The following DZIP1L variants were observed in gnomAD, a reference collection of about 807,000 sequenced individuals.
DZIP1L encodes the protein cilium assembly protein DZIP1L.
DZIP1L carries 90 observed loss-of-function variants against 88.7 expected under a neutral mutation model. The observed-to-expected ratio is 1.02, with a 90% CI of 0.86 to 1.21. The LOEUF is 1.21. Among genes scored for constraint, DZIP1L ranks in the 50% most tolerant of loss-of-function variants. The pLI, the probability that DZIP1L is intolerant of heterozygous loss-of-function variation, is 0.00. For missense variants in DZIP1L, 932 were observed against 955.8 expected (o/e 0.98, Z 0.33); for synonymous variants, 363 against 372.1 (o/e 0.98, Z 0.28).
intron 2 of DZIP1L, among the ~76,000 whole-genome samples, chr3:138,099,279 G>A (rs976996307): frequency 2.0e-5 from 3 of 152,140 alleles, no homozygotes; most frequent in African/African-American, 7.2e-5. Flanking sequence ...ACACAAATTT[G>A]TAAACTTACA....
chr3:138,102,853 C>A, intron 2 of DZIP1L: 1 of 689,280 alleles, frequency 1.5e-6, no homozygotes, highest in Admixed American at 2.0e-5. Context: ...GTAGAAGCAG[C>A]TGCTGAAGAC....
intron 2 of DZIP1L, chr3:138,102,895 T>C: frequency 1.6e-6 from 1 of 617,564 alleles, no homozygotes; most frequent in South Asian, 1.7e-5. Flanking sequence ...CTTGTAGGAC[T>C]TCTGGGTCAC....
chr3:138,070,750 G>T (rs141637039), intron 12 of DZIP1L, among the ~76,000 whole-genome samples: 2 of 152,340 alleles, frequency 1.3e-5, no homozygotes, highest in East Asian at 3.9e-4. Context: ...GGACACAGGA[G>T]ATACAGAACT....
In DZIP1L at chr3:138,063,910, T is replaced by C. The variant is rs1438214603; in HGVS notation, c.2142+718A>G. ...AATTTTAAAGCAATAGCACTGATTATCCCAGGATGCACCTTTTTGATACAG... is the reference window on the plus strand; with the variant it reads ...AATTTTAAAGCAATAGCACTGATTACCCCAGGATGCACCTTTTTGATACAG... On this transcript the variant is annotated intron_variant, in intron 15 of 15. Coordinates refer to ENST00000327532, the MANE Select transcript of DZIP1L (RefSeq NM_173543.3). This position sits in a 1 kb window ranked among gnomAD's most constrained non-coding sequence, Gnocchi z 4.1. Among the ~76,000 whole-genome samples the C allele has an allele frequency of 4.6e-5, 7 of 152,178 alleles. No individual in the cohort carries two copies. Among genetic ancestry groups the C allele is most frequent in the Non-Finnish European group, 5.9e-5 (4 of 68,036 alleles).
chr3:138,107,020 A>G (rs973799036), intron 1 of DZIP1L, among the ~76,000 whole-genome samples: 1 of 152,182 alleles, frequency 6.6e-6, no homozygotes, highest in African/African-American at 2.4e-5. Context: ...ATGCAAGGGG[A>G]AGGTGCTCAG....
intron 11 of DZIP1L, among the ~76,000 whole-genome samples, 176 bp downstream of exon 11, chr3:138,077,323 T>C (rs1327556999): frequency 6.6e-6 from 1 of 152,124 alleles, no homozygotes; most frequent in Non-Finnish European, 1.5e-5. Flanking sequence ...AGAGGAAAGA[T>C]ATCACACTGC....
rs549196670 is a variant in DZIP1L, at chr3:138,083,139, C to T, written c.1203+974G>A. 2.6e-5 allele frequency among the ~76,000 whole-genome samples: 4 copies of T among 152,316 alleles called. No individual in the cohort carries two copies. In the East Asian group the frequency reaches 7.7e-4, roughly 29 times the overall value. ...GCAAATAAGAGTTCTGAGTAACATA[C>T]AGGACATTACAGCCAGCAGGGAACA... On this transcript the variant is annotated intron_variant, in intron 8 of 15. Coordinates refer to ENST00000327532, the MANE Select transcript of DZIP1L (RefSeq NM_173543.3).
intron 6 of DZIP1L, among the ~76,000 whole-genome samples, chr3:138,087,730 A>G (rs1944014736): frequency 6.6e-6 from 1 of 152,224 alleles, no homozygotes; most frequent in Admixed American, 6.5e-5. Flanking sequence ...AGAATCTTGG[A>G]CAGCAGAAAG....
chr3:138,096,517 C>T (rs1387638929), intron 3 of DZIP1L, among the ~76,000 whole-genome samples: 6 of 152,072 alleles, frequency 3.9e-5, no homozygotes, highest in Admixed American at 1.3e-4. Flanking sequence ...ATAGTCAAAG[C>T]GCACATTATA....
intron 7 of DZIP1L, among the ~76,000 whole-genome samples, chr3:138,085,912 G>A (rs1452949498): frequency 1.3e-5 from 2 of 152,152 alleles, no homozygotes; most frequent in African/African-American, 4.8e-5. Context: ...ATACACCATG[G>A]AATACTATGC....
At chr3:138,064,837 A>G in intron 14 of DZIP1L, 70 bp from the exon 15 acceptor site, 1 of 1,525,228 alleles carries the variant, frequency 6.6e-7, no homozygotes, top group East Asian at 2.3e-5. Flanking sequence ...TTTGTGGCTC[A>G]TGTCCAGGCT....
chr3:138,070,771 T>C (rs990672200), intron 12 of DZIP1L, among the ~76,000 whole-genome samples: 1 of 152,222 alleles, frequency 6.6e-6, no homozygotes, highest in East Asian at 1.9e-4. Context: ...GGCCTCCTTC[T>C]GGCCACATGT....
chr3:138,082,942 T>C (rs1449278900), intron 8 of DZIP1L, among the ~76,000 whole-genome samples: 1 of 152,142 alleles, frequency 6.6e-6, no homozygotes, highest in Non-Finnish European at 1.5e-5. Flanking sequence ...TAAACAAAAG[T>C]CATCACACTG....
intron 1 of DZIP1L, chr3:138,108,130 C>G (rs774361960): frequency 1.1e-6 from 1 of 909,504 alleles, no homozygotes; most frequent in East Asian, 1.2e-4. Flanking sequence ...ACTACAGGTG[C>G]CCGCCACCAT....
chr3:138,074,834 C>T (rs1406133314), intron 11 of DZIP1L, among the ~76,000 whole-genome samples: 1 of 151,778 alleles, frequency 6.6e-6, no homozygotes, highest in East Asian at 1.9e-4. Context: ...CCTAAATATT[C>T]CACTTAAAAG....
intron 1 of DZIP1L, among the ~76,000 whole-genome samples, chr3:138,106,023 A>G (rs1410135879): frequency 6.6e-6 from 1 of 151,716 alleles, no homozygotes; most frequent in Non-Finnish European, 1.5e-5. Flanking sequence ...AATAAAACAT[A>G]GAATTTCAGT....
chr3:138,065,356 G>A lies in DZIP1L; in HGVS notation c.2003-589C>T, dbSNP rs1324185159. Among the ~76,000 whole-genome samples, 3 of 152,196 alleles carry A rather than the reference G, an allele frequency of 2.0e-5. No homozygotes were observed. In the South Asian group the frequency reaches 6.2e-4, roughly 32 times the overall value. ...ATCAAGGTCTGAGCAGACTTTTGGA[G>A]CTACAACAGCCCTTGGCTCATTGAT... On this transcript the variant is annotated intron_variant, in intron 14 of 15. Coordinates refer to ENST00000327532, the MANE Select transcript of DZIP1L (RefSeq NM_173543.3).
chr3:138,103,445 C>A, intron 2 of DZIP1L, 26 bp downstream of exon 2: 1 of 1,574,192 alleles, frequency 6.4e-7, no homozygotes, highest in African/African-American at 1.3e-5. Flanking sequence ...CCCTCCCACT[C>A]TCCCTGCCTG....
intron 3 of DZIP1L, 28 bp from the exon 4 acceptor site, chr3:138,095,011 C>A: frequency 6.2e-7 from 1 of 1,613,930 alleles, no homozygotes; most frequent in Admixed American, 1.7e-5. Context: ...AGACAGGTGA[C>A]CAGTTTAAGT....
Sources: gnomAD v4.1 joint callset for allele counts (sites outside exome capture counted in the v4.1 genomes callset) on GRCh38, gnomAD v4.1.1 for gene constraint, Gnocchi (gnomAD v3.1) non-coding constraint, MANE v1.5 for transcripts, NCBI Gene and HGNC (gene_info 2026-07-23, HGNC 2026-07-21) for gene names.